BET1: variants seen among roughly 807,000 people sequenced by gnomAD.
BET1 encodes the protein BET1 homolog.
In BET1, 9 loss-of-function variants were observed where a neutral mutation model predicts 13.9. That is an observed-to-expected ratio of 0.65 (90% CI 0.39 to 1.13). The LOEUF is 1.13. BET1 is among the 50% of genes most tolerant of loss of function. BET1 has a pLI of 0.01. For missense variants in BET1, 127 were observed against 133.6 expected (o/e 0.95, Z 0.24); for synonymous variants, 39 against 47.3 (o/e 0.82, Z 0.72).
chr7:93,975,712 C>T (rs528545809), intron 5 of BET1, among the ~76,000 whole-genome samples: 1 of 152,152 alleles, frequency 6.6e-6, no homozygotes, highest in South Asian at 2.1e-4. Context: ...TACAAGCATA[C>T]TGCTTACCAT....
chr7:93,978,924 G>A (rs970413252), intron 4 of BET1, among the ~76,000 whole-genome samples: 1 of 152,162 alleles, frequency 6.6e-6, no homozygotes, highest in African/African-American at 2.4e-5. Flanking sequence ...CCAATCACTG[G>A]AGCTGCCACT....
downstream of BET1, among the ~76,000 whole-genome samples, chr7:93,989,994 T>C (rs1795600494): frequency 6.6e-6 from 1 of 152,124 alleles, no homozygotes; most frequent in Non-Finnish European, 1.5e-5. Context: ...ATATCTTTAA[T>C]AGACATCATC....
At chr7:93,986,715 G>A (rs945650420) in intron 4 of BET1, among the ~76,000 whole-genome samples, 1 of 152,120 alleles carries the variant, frequency 6.6e-6, no homozygotes, top group African/African-American at 2.4e-5. Flanking sequence ...ATATAATGGT[G>A]GTCCCATCAG....
intron 4 of BET1, among the ~76,000 whole-genome samples, chr7:93,983,960 A>T (rs1584133950): frequency 1.3e-5 from 2 of 152,218 alleles, no homozygotes; most frequent in East Asian, 3.9e-4. Context: ...TGCTGCAATG[A>T]CTGATGTCTT....
At chr7:93,969,164 G>C (rs146601163) in intron 6 of BET1, among the ~76,000 whole-genome samples, 3 of 151,980 alleles carry the variant, frequency 2.0e-5, no homozygotes, top group Non-Finnish European at 4.4e-5. Context: ...TGGGTGAAAA[G>C]TGAGGAGTAA....
At chr7:93,984,203 G>A (rs1208384641) in intron 4 of BET1, among the ~76,000 whole-genome samples, 3 of 152,044 alleles carry the variant, frequency 2.0e-5, no homozygotes, top group Admixed American at 2.0e-4. Context: ...TCTCCACAGG[G>A]CATTTTCTGT....
rs1250718380 is a variant in BET1, at chr7:93,964,939, G to A, written c.*886C>T. ...GAGATTTCTCAACTAATTTAAAACA[G>A]AACTACCACTTAGCCCAGCAATCCC... On this transcript the variant is annotated 3_prime_UTR_variant and NMD_transcript_variant, in exon 7 of 7. Transcript: ENST00000357520. The A allele has an allele frequency of 4.6e-5, 7 of 152,180 alleles. No homozygotes were observed. In the East Asian group the frequency reaches 7.8e-4, roughly 17 times the overall value. The allele number at this position is 152,180 out of a possible 1,614,324, so 9.4% of individuals were successfully genotyped here. A position where few individuals can be genotyped will look rare whatever the true frequency, so the allele number is the denominator to read the frequency against.
chr7:93,968,932 G>A (rs1259111736), intron 6 of BET1, among the ~76,000 whole-genome samples: 1 of 151,808 alleles, frequency 6.6e-6, no homozygotes, highest in African/African-American at 2.4e-5. Flanking sequence ...TCTTTTCAAT[G>A]TCTATGAATT....
At position 93,977,728 on chromosome 7, in the gene BET1, T is replaced by G. The variant is rs1335377424; in HGVS notation, c.236-1628A>C. Among the ~76,000 whole-genome samples, 4 of 152,214 alleles carry G rather than the reference T, an allele frequency of 2.6e-5. No individual in the cohort carries two copies. In the South Asian group the frequency reaches 8.3e-4, roughly 32 times the overall value. On this transcript the variant is annotated intron_variant and NMD_transcript_variant, in intron 4 of 6. Transcript: ENST00000357520. ...CTCCCACTTTGACCACTCTCCTTTG[T>G]AAACAGAAATAAAACTGAATTCTGC...
chr7:93,996,901 C>A (rs1188003943), intron 2 of BET1, among the ~76,000 whole-genome samples: 1 of 151,554 alleles, frequency 6.6e-6, no homozygotes, highest in Non-Finnish European at 1.5e-5. Flanking sequence ...CAAATCTAGA[C>A]AGAAGTATTT....
At chr7:93,997,083 T>C (rs989000932) in intron 2 of BET1, among the ~76,000 whole-genome samples, 1 of 152,120 alleles carries the variant, frequency 6.6e-6, no homozygotes, top group Non-Finnish European at 1.5e-5. Context: ...AATACAATAC[T>C]ATAGCTAATT....
intron 6 of BET1, among the ~76,000 whole-genome samples, chr7:93,968,712 C>G (rs917621191): frequency 6.6e-6 from 1 of 151,722 alleles, no homozygotes; most frequent in Non-Finnish European, 1.5e-5. Context: ...GCTTTTGTCA[C>G]ACTACACTCT....
Position 93,993,518 on chromosome 7 carries a change from T to C in BET1, c.*712A>G. The stretch of plus-strand genomic sequence containing the variant: ...TCACAAATGATAAATGTGCTACCTA[T>C]GTAGTAAAAATCATAAAACTATTAT... On this transcript the variant is annotated 3_prime_UTR_variant, in exon 4 of 4. Coordinates refer to ENST00000222547, the MANE Select transcript of BET1 (RefSeq NM_005868.6). The C allele has an allele frequency of 1.0e-6, 1 of 995,310 alleles. No individual in the cohort carries two copies. Among genetic ancestry groups the C allele is most frequent in the Non-Finnish European group, 1.2e-6 (1 of 832,902 alleles). The allele number at this position is 995,310 out of a possible 1,614,324, so 61.7% of individuals were successfully genotyped here.
At chr7:93,964,261 T>C (rs1795140199) in exon 7 of BET1, 1 of 152,002 alleles carries the variant, frequency 6.6e-6, no homozygotes, top group African/African-American at 2.4e-5. Flanking sequence ...TTTCAACCCA[T>C]ACCTTCCTTC....
downstream of BET1, among the ~76,000 whole-genome samples, chr7:93,989,293 C>T (rs1215481987): frequency 6.6e-6 from 1 of 151,982 alleles, no homozygotes; most frequent in African/African-American, 2.4e-5. Context: ...GGATTACAGG[C>T]GTAAGCCACC....
chr7:94,000,199 G>A (rs11983650), intron 1 of BET1: 19,859 of 151,246 alleles, frequency 0.13, 3,842 homozygotes, highest in African/African-American at 0.42. Context: ...CCGCCTCCCA[G>A]GTTCAGGCCA....
At chr7:93,977,559 T>C (rs1795360836) in intron 4 of BET1, among the ~76,000 whole-genome samples, 1 of 152,150 alleles carries the variant, frequency 6.6e-6, no homozygotes, top group South Asian at 2.1e-4. Flanking sequence ...ATAAAAACCC[T>C]GTACTTTGAC....
chr7:93,998,771 A>C (rs1411069797), intron 2 of BET1, among the ~76,000 whole-genome samples: 1 of 152,172 alleles, frequency 6.6e-6, no homozygotes, highest in Non-Finnish European at 1.5e-5. Flanking sequence ...AAACATCAGA[A>C]AGACAGTGTA....
intron 2 of BET1, among the ~76,000 whole-genome samples, chr7:93,998,005 G>A (rs1795809239): frequency 6.6e-6 from 1 of 152,166 alleles, no homozygotes; most frequent in African/African-American, 2.4e-5. Context: ...GTGCAATGAA[G>A]TGGGGCGGAT....
Sources: gnomAD v4.1 joint callset for allele counts (sites outside exome capture counted in the v4.1 genomes callset) on GRCh38, gnomAD v4.1.1 for gene constraint, MANE v1.5 for transcripts, NCBI Gene and HGNC (gene_info 2026-07-23, HGNC 2026-07-21) for gene names.